PARD3: variants seen among roughly 807,000 people sequenced by gnomAD.
PARD3 encodes the protein partitioning defective 3 homolog.
A neutral mutation model predicts 155.4 loss-of-function variants in PARD3; 75 were observed. The observed-to-expected ratio is 0.48, with a 90% CI of 0.40 to 0.58. The LOEUF is 0.58. PARD3 is among the 20% of genes least tolerant of loss of function. The pLI, the probability that PARD3 is intolerant of heterozygous loss-of-function variation, is 0.00. For missense variants in PARD3, 1,642 were observed against 1,721.7 expected (o/e 0.95, Z 0.82); for synonymous variants, 576 against 610.5 (o/e 0.94, Z 0.83).
At chr10:34,295,542 A>C (rs1484500492) in intron 20 of PARD3, among the ~76,000 whole-genome samples, 3 of 152,176 alleles carry the variant, frequency 2.0e-5, no homozygotes, top group Admixed American at 6.5e-5. Context: ...TGTTTATCCA[A>C]GACGGAATCC....
chr10:34,680,530 G>A (rs1396726490), intron 2 of PARD3, among the ~76,000 whole-genome samples: 13 of 144,762 alleles, frequency 9.0e-5, no homozygotes, highest in Middle Eastern at 3.5e-3. Context: ...CTGCACTGCA[G>A]CCTGAGTGAT....
intron 14 of PARD3, among the ~76,000 whole-genome samples, chr10:34,351,610 C>T (rs910847339): frequency 6.6e-6 from 1 of 152,182 alleles, no homozygotes; most frequent in African/African-American, 2.4e-5. Context: ...CCTTCACATC[C>T]CCATGAGGGC....
chr10:34,709,185 A>G (rs996995387), intron 1 of PARD3, among the ~76,000 whole-genome samples: 1 of 152,228 alleles, frequency 6.6e-6, no homozygotes, highest in African/African-American at 2.4e-5. Flanking sequence ...TTAAACAAAA[A>G]AAGTCATTTA....
At chr10:34,595,097 G>C (rs1289448194) in intron 2 of PARD3, among the ~76,000 whole-genome samples, 2 of 152,196 alleles carry the variant, frequency 1.3e-5, no homozygotes, top group Non-Finnish European at 2.9e-5. Context: ...GAGTTCCACA[G>C]TTCAAGAACA....
rs74790216 is a variant in PARD3 at position 34,413,895 on chromosome 10, T to G, written c.715-11978A>C. ...AAACTTGTGACACTAGTAATAACAT[T>G]GCAAATGTCAAAGTAGTTGAGTTAA... On this transcript the variant is annotated intron_variant, in intron 5 of 24. Transcript: ENST00000374788. 2.0e-3 allele frequency among the ~76,000 whole-genome samples: 308 copies of G among 152,248 alleles called. 1 individual carries two copies. The highest frequency in any genetic ancestry group is 7.0e-3 in the African/African-American group (292 of 41,564).
intron 22 of PARD3, among the ~76,000 whole-genome samples, chr10:34,174,262 A>G (rs1039087443): frequency 3.3e-5 from 5 of 152,182 alleles, no homozygotes; most frequent in Non-Finnish European, 7.3e-5. Context: ...ATTAACAACT[A>G]TATGCATGAC....
intron 3 of PARD3, among the ~76,000 whole-genome samples, chr10:34,497,478 C>T (rs894081592): frequency 2.0e-5 from 3 of 152,062 alleles, no homozygotes; most frequent in African/African-American, 7.2e-5. Flanking sequence ...AACCCCCAAG[C>T]GATACTGAAG....
chr10:34,440,624 T>A (rs2076413860), intron 5 of PARD3, among the ~76,000 whole-genome samples: 1 of 152,076 alleles, frequency 6.6e-6, no homozygotes, highest in East Asian at 1.9e-4. Flanking sequence ...CACCAAAGAT[T>A]TTTCACTCAG....
At chr10:34,403,013 A>G (rs2132216530) in intron 5 of PARD3, among the ~76,000 whole-genome samples, 1 of 152,324 alleles carries the variant, frequency 6.6e-6, no homozygotes, top group African/African-American at 2.4e-5. Flanking sequence ...CCAGATTAGA[A>G]CAGTTAAGAG....
chr10:34,465,462 C>CAACTAAGA (rs1331637083), intron 4 of PARD3, among the ~76,000 whole-genome samples: 1 of 152,086 alleles, frequency 6.6e-6, no homozygotes, highest in Admixed American at 6.6e-5. Flanking sequence ...GCATCTCTTA[C>CAACTAAGA]AAGTGGTTGT....
At chr10:34,262,814 G>C (rs1316592279) in intron 22 of PARD3, among the ~76,000 whole-genome samples, 1 of 152,142 alleles carries the variant, frequency 6.6e-6, no homozygotes, top group Admixed American at 6.5e-5. Flanking sequence ...TGATTGAGAG[G>C]TCAGGTCCTT....
At chr10:34,123,390 C>T (rs1420946701) in intron 23 of PARD3, among the ~76,000 whole-genome samples, 1 of 151,890 alleles carries the variant, frequency 6.6e-6, no homozygotes, top group Non-Finnish European at 1.5e-5. Flanking sequence ...ATGTTGGTAT[C>T]ATTTAGTAGG....
chr10:34,690,694 G>A (rs2094040427), intron 2 of PARD3, among the ~76,000 whole-genome samples: 1 of 152,132 alleles, frequency 6.6e-6, no homozygotes, highest in Non-Finnish European at 1.5e-5. Context: ...CTAGCTCTAT[G>A]GAAAGGCACA....
At chr10:34,794,893 G>A (rs1333276024) in intron 1 of PARD3, among the ~76,000 whole-genome samples, 5 of 152,214 alleles carry the variant, frequency 3.3e-5, no homozygotes, top group Admixed American at 2.0e-4. Context: ...ACGCATATGC[G>A]CACATACACA....
intron 19 of PARD3, among the ~76,000 whole-genome samples, chr10:34,322,886 A>T (rs557654828): frequency 3.7e-4 from 57 of 152,350 alleles, no homozygotes; most frequent in South Asian, 8.3e-4. Flanking sequence ...TGAGCAATTT[A>T]CAATTTATAT....
intron 2 of PARD3, among the ~76,000 whole-genome samples, chr10:34,612,685 T>C (rs1398843794): frequency 1.3e-5 from 2 of 152,190 alleles, no homozygotes; most frequent in Non-Finnish European, 2.9e-5. Context: ...TTTTATGAGC[T>C]AATGGCTGCA....
chr10:34,497,763 G>A (rs4934636), intron 3 of PARD3, among the ~76,000 whole-genome samples: 43,334 of 151,944 alleles, frequency 0.29, 6,712 homozygotes, highest in East Asian at 0.42. Flanking sequence ...GATGATCAGC[G>A]GGTCAAGATG....
chr10:34,401,697 C>A, intron 6 of PARD3, 129 bp downstream of exon 6: 1 of 717,302 alleles, frequency 1.4e-6, no homozygotes, highest in Non-Finnish European at 2.6e-6. Context: ...TTTAGAAAAA[C>A]AAATCAATGC....
chr10:34,496,885 C>G (rs1270062493), intron 3 of PARD3, among the ~76,000 whole-genome samples: 8 of 101,712 alleles, frequency 7.9e-5, no homozygotes, highest in African/African-American at 6.8e-4. Flanking sequence ...CTATTTTTAA[C>G]GTTTAAAAAT....
Sources: gnomAD v4.1 joint callset for allele counts (sites outside exome capture counted in the v4.1 genomes callset) on GRCh38, gnomAD v4.1.1 for gene constraint, MANE v1.5 for transcripts, NCBI Gene and HGNC (gene_info 2026-07-23, HGNC 2026-07-21) for gene names.